CORIN: variants seen among roughly 807,000 people sequenced by gnomAD.
CORIN encodes the protein atrial natriuretic peptide-converting enzyme.
In CORIN, 117 loss-of-function variants were observed where a neutral mutation model predicts 125.3. The ratio of observed to expected loss-of-function variants is 0.93; its 90% CI spans 0.80 to 1.09. The LOEUF is 1.09. CORIN is among the 50% of genes least tolerant of loss of function. CORIN has a pLI of 0.00. For missense variants in CORIN, 1,253 were observed against 1,306.7 expected (o/e 0.96, Z 0.63); for synonymous variants, 450 against 466.4 (o/e 0.96, Z 0.45).
intron 1 of CORIN, among the ~76,000 whole-genome samples, chr4:47,833,830 G>T (rs1376347311): frequency 6.6e-6 from 1 of 152,072 alleles, no homozygotes; most frequent in African/African-American, 2.4e-5. Flanking sequence ...AATCAACAGA[G>T]AATTACAAAT....
chr4:47,707,942 C>G (rs13125059), intron 5 of CORIN, among the ~76,000 whole-genome samples: 89,528 of 152,040 alleles, frequency 0.59, 27,291 homozygotes, highest in East Asian at 0.9. Context: ...CAGTATATGT[C>G]TTAAAGACTT....
At chr4:47,708,186 C>T (rs145924538) in intron 5 of CORIN, among the ~76,000 whole-genome samples, 8 of 152,292 alleles carry the variant, frequency 5.3e-5, no homozygotes, top group East Asian at 3.9e-4. Flanking sequence ...TGGCTGAAAA[C>T]GACAGAAATT....
intron 13 of CORIN, among the ~76,000 whole-genome samples, chr4:47,651,388 G>C (rs1723725134): frequency 1.3e-5 from 2 of 152,212 alleles, no homozygotes. Flanking sequence ...AAAACAGAAA[G>C]ACAAACAGCA....
chr4:47,615,204 C>G (rs1167235509), intron 19 of CORIN, among the ~76,000 whole-genome samples: 1 of 152,184 alleles, frequency 6.6e-6, no homozygotes, highest in Non-Finnish European at 1.5e-5. Flanking sequence ...GAAGGAGACA[C>G]AGTCAAAGTG....
intron 19 of CORIN, among the ~76,000 whole-genome samples, chr4:47,612,587 AG>A (rs1463076055): frequency 1.3e-5 from 2 of 152,216 alleles, no homozygotes; most frequent in Non-Finnish European, 2.9e-5. Flanking sequence ...TTTAGAGAAG[AG>A]AAATCAGTGA....
chr4:47,623,334 C>G (rs1394215934), intron 19 of CORIN, among the ~76,000 whole-genome samples: 1 of 152,014 alleles, frequency 6.6e-6, no homozygotes, highest in Non-Finnish European at 1.5e-5. Flanking sequence ...AAACTTCTTT[C>G]TCTCTCTTAG....
chr4:47,621,802 C>G (rs532509152), intron 19 of CORIN, among the ~76,000 whole-genome samples: 12 of 150,948 alleles, frequency 7.9e-5, no homozygotes, highest in African/African-American at 2.7e-4. Context: ...TGAGTAAAGC[C>G]GATGACATTC....
chr4:47,779,192 C>T (rs913029710), intron 3 of CORIN, among the ~76,000 whole-genome samples: 1 of 152,184 alleles, frequency 6.6e-6, no homozygotes, highest in Non-Finnish European at 1.5e-5. Flanking sequence ...ATAGGTCGAG[C>T]ACAGAGGCTC....
intron 5 of CORIN, among the ~76,000 whole-genome samples, chr4:47,709,901 T>C (rs1726761802): frequency 6.6e-6 from 1 of 152,180 alleles, no homozygotes; most frequent in Non-Finnish European, 1.5e-5. Flanking sequence ...TTAAGAATAT[T>C]TTAGAAGCTA....
chr4:47,802,130 C>A (rs1196362252), intron 2 of CORIN, among the ~76,000 whole-genome samples: 1 of 152,236 alleles, frequency 6.6e-6, no homozygotes, highest in Non-Finnish European at 1.5e-5. Context: ...ACAGCAATAC[C>A]CAGAGCCTTG....
chr4:47,814,235 T>C (rs1732172816), intron 1 of CORIN, among the ~76,000 whole-genome samples: 1 of 152,000 alleles, frequency 6.6e-6, no homozygotes, highest in Non-Finnish European at 1.5e-5. Context: ...CTCTAAACAC[T>C]GTGGGGGCAT....
intron 1 of CORIN, among the ~76,000 whole-genome samples, chr4:47,833,521 CAAAAAA>C (rs75657429): frequency 3.5e-5 from 4 of 115,026 alleles, no homozygotes; most frequent in Admixed American, 8.5e-5. Flanking sequence ...AAAGCATAGG[CAAAAAA>C]AAAAAAAAAA....
intron 16 of CORIN, among the ~76,000 whole-genome samples, chr4:47,633,254 T>C (rs1722909998): frequency 6.6e-6 from 1 of 152,126 alleles, no homozygotes; most frequent in Admixed American, 6.5e-5. Flanking sequence ...AATAAACTAA[T>C]AAACAAAACT....
In CORIN at chr4:47,677,939, G is replaced by T. The variant is rs752794867; in HGVS notation, c.1248C>A (p.Val416=). 1.2e-5 allele frequency: 19 copies of T among 1,605,710 alleles called. No individual in the cohort carries two copies. The East Asian group carries it at 2.5e-4, about 21-fold the overall frequency. ...KDGSDEENCS[V]IQTSCQEGDQ... ...TCTGGGGTGGTGGGACACACTTACT[G>T]ACGCTGCAGTTCTCCTCATCACTCC... Residue 416 remains valine, a splice_region_variant and synonymous_variant, in exon 9 of 22, where the codon GTC becomes GTA. Coordinates refer to ENST00000273857, the MANE Select transcript of CORIN (RefSeq NM_006587.4).
At chr4:47,669,562 T>C (rs1724644661) in intron 10 of CORIN, among the ~76,000 whole-genome samples, 1 of 150,974 alleles carries the variant, frequency 6.6e-6, no homozygotes, top group African/African-American at 2.4e-5. Flanking sequence ...TCTATATATA[T>C]ATATATATGC....
chr4:47,807,089 A>C, intron 1 of CORIN, 42 bp from the exon 2 acceptor site: 1 of 1,518,778 alleles, frequency 6.6e-7, no homozygotes, highest in Non-Finnish European at 9.0e-7. Context: ...TTAGTTTTAC[A>C]ATACATGGTA....
Position 47,837,887 on chromosome 4 carries a change from C to T in CORIN, c.63G>A (p.Pro21=), listed in dbSNP as rs1350872011. 3 of 1,613,522 alleles carry T rather than the reference C, an allele frequency of 1.9e-6. No homozygotes were observed. Among genetic ancestry groups the T allele is most frequent in the Non-Finnish European group, 2.5e-6 (3 of 1,179,752 alleles). ...TAGGACAGCGAATCATCGATCTTAC[C>T]GGCTTTGGGGACCCGGCTCTGCGGC... ...ERCRRAGSPK[P]VLRADDNNMG... is the part of the protein sequence containing the mutation. Residue 21 remains proline (P), a splice_region_variant and synonymous_variant, in exon 1 of 22, where the codon CCG becomes CCA. Transcript: ENST00000273857.
At chr4:47,630,845 A>C (rs951781820) in intron 16 of CORIN, among the ~76,000 whole-genome samples, 11 of 152,162 alleles carry the variant, frequency 7.2e-5, no homozygotes, top group African/African-American at 2.7e-4. Flanking sequence ...TTTCTGATTC[A>C]GTTAAGTCTC....
intron 1 of CORIN, 124 bp downstream of exon 1, chr4:47,837,763 G>C: frequency 2.3e-6 from 2 of 879,588 alleles, no homozygotes; most frequent in Admixed American, 3.4e-5. Context: ...CTCACCGGCG[G>C]CTGGGGAAGG....
Sources: gnomAD v4.1 joint callset for allele counts (sites outside exome capture counted in the v4.1 genomes callset) on GRCh38, gnomAD v4.1.1 for gene constraint, MANE v1.5 for transcripts, NCBI Gene and HGNC (gene_info 2026-07-23, HGNC 2026-07-21) for gene names.